The following EXOC2 variants were observed in gnomAD, a reference collection of about 807,000 sequenced individuals.
EXOC2 encodes the protein exocyst complex component 2, also known as SEC5-like 1.
A neutral mutation model predicts 131.8 loss-of-function variants in EXOC2; 70 were observed. That is an observed-to-expected ratio of 0.53 (90% CI 0.44 to 0.65). The LOEUF (loss-of-function observed/expected upper bound fraction) is 0.65, where lower values mean the gene tolerates loss of function less well. Among genes scored for constraint, EXOC2 ranks in the 30% least tolerant of loss-of-function variants. The pLI is 0.00. For synonymous variants in EXOC2, 411 were observed against 398.4 expected (o/e 1.03, Z -0.38); for missense variants, 923 against 1,108.6 (o/e 0.83, Z 2.38).
chr6:605,826 C>T (rs1419891230), intron 7 of EXOC2, among the ~76,000 whole-genome samples: 1 of 152,180 alleles, frequency 6.6e-6, no homozygotes, highest in Non-Finnish European at 1.5e-5. Context: ...CCTGCTTTCT[C>T]TTCTGGGCAT....
At chr6:572,380 T>G in intron 13 of EXOC2, 140 bp downstream of exon 13, 2 of 1,084,760 alleles carry the variant, frequency 1.8e-6, no homozygotes, top group Non-Finnish European at 2.6e-6. Context: ...GGCTTTATAA[T>G]GCTTTAACTG....
chr6:535,659 T>G (rs1448415747), intron 22 of EXOC2, among the ~76,000 whole-genome samples: 2 of 152,212 alleles, frequency 1.3e-5, no homozygotes, highest in Non-Finnish European at 2.9e-5. Flanking sequence ...GAATCCATTA[T>G]AGACAAGGAC....
At chr6:631,564 A>G (rs936293864) in intron 3 of EXOC2, among the ~76,000 whole-genome samples, 8 of 152,104 alleles carry the variant, frequency 5.3e-5, no homozygotes, top group African/African-American at 1.9e-4. Context: ...GAAAAAAAAA[A>G]AGAAACCTTT....
chr6:570,090 A>G (rs540676378), intron 13 of EXOC2, among the ~76,000 whole-genome samples: 13 of 152,290 alleles, frequency 8.5e-5, no homozygotes, highest in African/African-American at 3.1e-4. Flanking sequence ...GGCTGGAAAC[A>G]AACACTACGG....
chr6:555,919 T>C (rs375205777), intron 19 of EXOC2, 35 bp downstream of exon 19: 2 of 1,601,032 alleles, frequency 1.2e-6, no homozygotes, highest in Non-Finnish European at 1.7e-6. Flanking sequence ...TTAGTATTAT[T>C]TGAGGCTTTC....
intron 1 of EXOC2, among the ~76,000 whole-genome samples, chr6:672,247 T>C (rs1410181398): frequency 2.0e-5 from 3 of 152,224 alleles, no homozygotes; most frequent in African/African-American, 7.2e-5. Context: ...TTCTCTTCTG[T>C]TAGTGTTATT....
intron 1 of EXOC2, chr6:656,628 T>C (rs766029482): frequency 1.2e-6 from 2 of 1,604,962 alleles, no homozygotes; most frequent in Admixed American, 3.4e-5. Context: ...GCGGCGCTTG[T>C]GGGTCAGCTG....
At chr6:495,262 A>T (rs1305213735) in intron 25 of EXOC2, among the ~76,000 whole-genome samples, 2 of 151,718 alleles carry the variant, frequency 1.3e-5, no homozygotes, top group African/African-American at 4.8e-5. Context: ...AGTAGCTGGG[A>T]CTACAGGCGC....
At chr6:605,433 G>A (rs985071363) in intron 7 of EXOC2, among the ~76,000 whole-genome samples, 2 of 152,214 alleles carry the variant, frequency 1.3e-5, no homozygotes, top group African/African-American at 4.8e-5. Flanking sequence ...AGACTTGGGA[G>A]GGTGTATGTG....
chr6:576,857 C>T lies in EXOC2; in HGVS notation c.1218G>A (p.Met406Ile). Residue 406 changes from methionine (M) to isoleucine (I), a missense_variant, in exon 12 of 28, where the codon ATG becomes ATA. Coordinates refer to ENST00000230449, the MANE Select transcript of EXOC2 (RefSeq NM_018303.6). ...LKGNPGLHSP[M>I]LDLDNDTRPS... The stretch of plus-strand genomic sequence containing the variant: ...GACGTGTATCATTATCAAGATCCAA[C>T]ATGGGACTGTGCAGGCCTGGGTTAC... 1.2e-6 allele frequency: 2 copies of T among 1,614,074 alleles called. No homozygotes were observed. The highest frequency in any genetic ancestry group is 2.2e-5 in the South Asian group (2 of 91,064).
intron 22 of EXOC2, among the ~76,000 whole-genome samples, chr6:539,240 A>G (rs1766657000): frequency 6.6e-6 from 1 of 152,186 alleles, no homozygotes; most frequent in South Asian, 2.1e-4. Context: ...GGGTCTTTCG[A>G]AGCATTAAAA....
chr6:510,342 C>T (rs1353171396), intron 23 of EXOC2, among the ~76,000 whole-genome samples: 1 of 152,082 alleles, frequency 6.6e-6, no homozygotes, highest in Non-Finnish European at 1.5e-5. Context: ...GAATGGGTAC[C>T]TTCGCCCTCT....
At position 617,879 on chromosome 6, in the gene EXOC2, C is replaced by A. The variant is rs1241560337; in HGVS notation, c.537-44G>T. Reference sequence around the variant, plus strand: ...ACCAAAGTTTGACACTTCTAACATGCAAGAAAGAAAAAATAATTCCTTCAG... The same window carrying A: ...ACCAAAGTTTGACACTTCTAACATGAAAGAAAGAAAAAATAATTCCTTCAG... On this transcript the variant is annotated intron_variant, in intron 5 of 27. Coordinates refer to ENST00000230449, the MANE Select transcript of EXOC2 (RefSeq NM_018303.6). 5 of 1,584,874 alleles carry A rather than the reference C, an allele frequency of 3.2e-6. No homozygotes were observed. The Admixed American group carries it at 7.3e-5, about 23-fold the overall frequency.
chr6:617,703 C>T lies in EXOC2; in HGVS notation c.661+8G>A, dbSNP rs774574976. 11 of 1,609,352 alleles carry T rather than the reference C, an allele frequency of 6.8e-6. No homozygotes were observed. Among genetic ancestry groups the T allele is most frequent in the Admixed American group, 3.4e-5 (2 of 59,312 alleles). On this transcript the variant is annotated splice_region_variant and intron_variant, in intron 6 of 27. Coordinates refer to ENST00000230449, the MANE Select transcript of EXOC2 (RefSeq NM_018303.6). ...GCTGCCAGCAGATGGCTCTGAGGAT[C>T]GCCTTACCTGAGAGGGCATCCTGTG...
intron 1 of EXOC2, among the ~76,000 whole-genome samples, chr6:687,389 C>G (rs561849470): frequency 6.6e-6 from 1 of 151,870 alleles, no homozygotes; most frequent in Non-Finnish European, 1.5e-5. Context: ...CATTATGTTG[C>G]CCAGGCTGGT....
At chr6:542,483 A>C (rs1309032486) in intron 22 of EXOC2, among the ~76,000 whole-genome samples, 1 of 152,216 alleles carries the variant, frequency 6.6e-6, no homozygotes, top group Non-Finnish European at 1.5e-5. Flanking sequence ...AGACATCTGC[A>C]TCTCAAGTGG....
intron 7 of EXOC2, among the ~76,000 whole-genome samples, chr6:608,147 C>T (rs1008915387): frequency 1.3e-5 from 2 of 152,232 alleles, no homozygotes; most frequent in African/African-American, 4.8e-5. Context: ...TTCAACAGAA[C>T]TGACTGAATC....
chr6:576,789 C>G lies in EXOC2; in HGVS notation c.1286G>C (p.Arg429Thr). 1 of 1,614,162 alleles carries G rather than the reference C, an allele frequency of 6.2e-7. No homozygotes were observed. Among genetic ancestry groups the G allele is most frequent in the Non-Finnish European group, 8.5e-7 (1 of 1,180,020 alleles). Reference sequence around the variant, plus strand: ...TCGACCAGACTGAAAGCTGCTGCCCCTCTTCAGGGACGCTGTCTGACTGAG... The same window carrying G: ...TCGACCAGACTGAAAGCTGCTGCCCGTCTTCAGGGACGCTGTCTGACTGAG... ...GHLSQTASLK[R>T]GSSFQSGRDD... Residue 429 changes from arginine (R) to threonine (T), a missense_variant, in exon 12 of 28, where the codon AGG becomes ACG. By Grantham distance (71) the Arg-to-Thr change is moderately conservative. Coordinates refer to ENST00000230449, the MANE Select transcript of EXOC2 (RefSeq NM_018303.6).
intron 25 of EXOC2, among the ~76,000 whole-genome samples, chr6:496,701 T>C (rs1763763255): frequency 6.6e-6 from 1 of 152,118 alleles, no homozygotes; most frequent in Admixed American, 6.5e-5. Context: ...TCTTCAGGGA[T>C]TTTTTCAAAA....
Sources: gnomAD v4.1 joint callset for allele counts (sites outside exome capture counted in the v4.1 genomes callset) on GRCh38, gnomAD v4.1.1 for gene constraint, MANE v1.5 for transcripts, NCBI Gene and HGNC (gene_info 2026-07-23, HGNC 2026-07-21) for gene names.